The following ETV5 variants were observed in gnomAD, a reference collection of about 807,000 sequenced individuals.
ETV5 encodes ETS translocation variant 5.
Under a neutral mutation model 70.0 loss-of-function variants are expected in ETV5, and 10 were observed. That is an observed-to-expected ratio of 0.14 (90% CI 0.09 to 0.24). The LOEUF (loss-of-function observed/expected upper bound fraction) is 0.24. ETV5 is among the 10% of genes least tolerant of loss of function. The pLI, the probability that ETV5 is intolerant of heterozygous loss-of-function variation, is 1.00. For missense variants in ETV5, 453 were observed against 651.2 expected (o/e 0.70, Z 3.31); for synonymous variants, 216 against 242.2 (o/e 0.89, Z 1.01).
intron 7 of ETV5, among the ~76,000 whole-genome samples, chr3:186,075,546 T>G (rs1452677100): frequency 1.3e-5 from 2 of 152,236 alleles, no homozygotes; most frequent in Admixed American, 6.5e-5. Context: ...AAATCAAAAT[T>G]CCAGAAAACT....
chr3:186,069,543 TA>T (rs1010536113), intron 7 of ETV5, among the ~76,000 whole-genome samples: 3 of 150,756 alleles, frequency 2.0e-5, no homozygotes, highest in Non-Finnish European at 3.0e-5. Flanking sequence ...AAAAAAGACT[TA>T]AAAAAAAGTC....
chr3:186,067,390 C>T (rs559763069), intron 7 of ETV5, among the ~76,000 whole-genome samples: 3 of 152,196 alleles, frequency 2.0e-5, no homozygotes, highest in Non-Finnish European at 4.4e-5. Context: ...TGAGATAGCG[C>T]CACTGCACAC....
intron 5 of ETV5, among the ~76,000 whole-genome samples, chr3:186,096,558 C>A (rs567381198): frequency 3.3e-5 from 5 of 152,006 alleles, no homozygotes; most frequent in Non-Finnish European, 5.9e-5. Context: ...CACAAAAGGA[C>A]AATCTGCCCA....
At chr3:186,093,812 T>C (rs1714242990) in intron 5 of ETV5, among the ~76,000 whole-genome samples, 1 of 152,086 alleles carries the variant, frequency 6.6e-6, no homozygotes, top group African/African-American at 2.4e-5. Context: ...GGGGGAAAGA[T>C]GGGGTGGGGC....
At chr3:186,075,799 A>T (rs1713769996) in intron 7 of ETV5, among the ~76,000 whole-genome samples, 1 of 152,204 alleles carries the variant, frequency 6.6e-6, no homozygotes, top group Non-Finnish European at 1.5e-5. Flanking sequence ...CATTTTCTTA[A>T]ATGTTGCTGC....
chr3:186,099,555 A>G (rs1365923862), intron 5 of ETV5, among the ~76,000 whole-genome samples: 1 of 152,198 alleles, frequency 6.6e-6, no homozygotes, highest in East Asian at 1.9e-4. Context: ...GTACTTTACC[A>G]CCACTAAAAC....
At chr3:186,061,305 C>G (rs1713298582) in intron 9 of ETV5, among the ~76,000 whole-genome samples, 1 of 152,298 alleles carries the variant, frequency 6.6e-6, no homozygotes, top group East Asian at 1.9e-4. Context: ...CTGGAGGAAA[C>G]CTGGAAATCT....
Position 186,057,324 on chromosome 3 carries a change from GC to G in ETV5, c.1040-81del. The G allele has an allele frequency of 6.2e-7, 1 of 1,606,078 alleles. No homozygotes were observed. The highest frequency in any genetic ancestry group is 8.5e-7 in the Non-Finnish European group (1 of 1,173,154). Reference sequence around the variant, plus strand: ...GTTGGGACAAAAAGGAGTTGTTCATGCTGATTTAATCACTGGACTTGGGAAG... The same window carrying G: ...GTTGGGACAAAAAGGAGTTGTTCATGTGATTTAATCACTGGACTTGGGAAG... On this transcript the variant is annotated intron_variant, in intron 10 of 12. Coordinates refer to ENST00000306376, the MANE Select transcript of ETV5 (RefSeq NM_004454.3). This position sits in a 1 kb window ranked among gnomAD's most constrained non-coding sequence, Gnocchi z 4.9.
Position 186,064,387 on chromosome 3 carries a change from G to A in ETV5, c.970+30C>T, listed in dbSNP as rs200306109. 50 of 1,597,944 alleles carry A rather than the reference G, an allele frequency of 3.1e-5. No homozygotes were observed. The East Asian group carries it at 1.0e-3, about 32-fold the overall frequency. ...AAGGAAGAAAGGAGAGGAGAGAGGA[G>A]AGAAGAGGAAAGAAAAGCAGGTTCC... On this transcript the variant is annotated intron_variant, in intron 9 of 12. Transcript: ENST00000306376.
At position 186,057,014 on chromosome 3, in the gene ETV5, CA is replaced by C; in HGVS notation, c.1209+60del. 1 of 1,575,988 alleles carries C rather than the reference CA, an allele frequency of 6.3e-7. No homozygotes were observed. Among genetic ancestry groups the C allele is most frequent in the Non-Finnish European group, 8.7e-7 (1 of 1,155,512 alleles). The stretch of plus-strand genomic sequence containing the variant: ...CAAAAAGCCTCAATGGAAATCTAAA[CA>C]AAAAACATCATCAACAACAACAAAT... On this transcript the variant is annotated intron_variant, in intron 11 of 12. Transcript: ENST00000306376. This position sits in a 1 kb window ranked among gnomAD's most constrained non-coding sequence, Gnocchi z 4.9.
chr3:186,106,080 G>T, intron 1 of ETV5, 138 bp from the exon 2 acceptor site: 1 of 618,312 alleles, frequency 1.6e-6, no homozygotes, highest in Non-Finnish European at 2.8e-6. Flanking sequence ...CAAGGTGCAA[G>T]CTTTACACAC....
At position 186,047,276 on chromosome 3, in the gene ETV5, T is replaced by C. The variant is rs1040516561; in HGVS notation, c.*1363A>G. 4.4e-6 allele frequency: 1 copy of C among 229,338 alleles called. No homozygotes were observed. The highest frequency in any genetic ancestry group is 6.3e-5 in the East Asian group (1 of 15,942). 14.2% of individuals were successfully genotyped at this position (229,338 alleles called of 1,614,324 possible). A position where few individuals can be genotyped will look rare whatever the true frequency, so the allele number is the denominator to read the frequency against. ...TACAGCAATGAGAATAATTTCTTTT[T>C]AAAAAAAGGCAGGAATCTAGAATGC... On this transcript the variant is annotated 3_prime_UTR_variant, in exon 13 of 13. Transcript: ENST00000306376.
At chr3:186,101,303 A>G (rs1260009850) in intron 5 of ETV5, among the ~76,000 whole-genome samples, 1 of 152,058 alleles carries the variant, frequency 6.6e-6, no homozygotes, top group Non-Finnish European at 1.5e-5. Flanking sequence ...TTTTTTAGAG[A>G]TAGGGTCTTG....
chr3:186,056,695 C>A (rs933280890), intron 11 of ETV5, among the ~76,000 whole-genome samples: 1 of 152,170 alleles, frequency 6.6e-6, no homozygotes, highest in African/African-American at 2.4e-5. Context: ...AGTATGTTCA[C>A]GTAGACTCAG....
chr3:186,089,069 A>G (rs890489416), intron 5 of ETV5, among the ~76,000 whole-genome samples: 2 of 152,212 alleles, frequency 1.3e-5, no homozygotes, highest in Non-Finnish European at 2.9e-5. Context: ...GCACTAGTGA[A>G]TGACTCTAAT....
chr3:186,105,198 ACTAC>A lies in ETV5; in HGVS notation c.232+103_232+106del, dbSNP rs1714558625. On this transcript the variant is annotated intron_variant, in intron 5 of 12. Transcript: ENST00000306376. This position sits in a 1 kb window ranked among gnomAD's most constrained non-coding sequence, Gnocchi z 4.5. The stretch of plus-strand genomic sequence containing the variant: ...AATTATTAGAAGAAACTAAATGCAT[ACTAC>A]TGTCTAAATCTGGCCATAGCTGAAA... The A allele has an allele frequency of 2.4e-6, 2 of 838,278 alleles. No homozygotes were observed. Among genetic ancestry groups the A allele is most frequent in the African/African-American group, 3.4e-5 (2 of 58,154 alleles). 51.9% of individuals were successfully genotyped at this position (838,278 alleles called of 1,614,324 possible).
At chr3:186,055,845 T>C (rs573704445) in intron 11 of ETV5, among the ~76,000 whole-genome samples, 2 of 152,318 alleles carry the variant, frequency 1.3e-5, no homozygotes, top group Non-Finnish European at 2.9e-5. Context: ...ACAGCAATTC[T>C]CGTTCAAATG....
chr3:186,088,703 A>G (rs1714114441), intron 5 of ETV5, among the ~76,000 whole-genome samples: 1 of 152,226 alleles, frequency 6.6e-6, no homozygotes. Flanking sequence ...AACAGAACCG[A>G]AAAATCCACC....
intron 7 of ETV5, among the ~76,000 whole-genome samples, chr3:186,074,948 C>A (rs1377006587): frequency 6.6e-6 from 1 of 151,200 alleles, no homozygotes; most frequent in Non-Finnish European, 1.5e-5. Flanking sequence ...TGTAACTCAC[C>A]ATATTAAGAA....
Sources: allele counts gnomAD v4.1 joint callset (sites outside exome capture counted in the v4.1 genomes callset), GRCh38; gene constraint gnomAD v4.1.1; non-coding constraint Gnocchi (gnomAD v3.1); transcripts MANE v1.5; gene names NCBI Gene and HGNC (gene_info 2026-07-23, HGNC 2026-07-21).